POU2F2: variants seen among roughly 807,000 people sequenced by gnomAD.
POU2F2 encodes the protein POU class 2 homeobox 2, also known as POU domain, class 2, transcription factor 2.
Under a neutral mutation model 63.5 loss-of-function variants are expected in POU2F2, and 14 were observed. The observed-to-expected ratio is 0.22, with a 90% CI of 0.15 to 0.34. The LOEUF (loss-of-function observed/expected upper bound fraction) is 0.34. Among genes scored for constraint, POU2F2 ranks in the 10% least tolerant of loss-of-function variants. The pLI, the probability that POU2F2 is intolerant of heterozygous loss-of-function variation, is 1.00. For synonymous variants in POU2F2, 306 were observed against 348.6 expected (o/e 0.88, Z 1.36); for missense variants, 607 against 815.2 (o/e 0.74, Z 3.11).
chr19:42,092,168 G>C lies in POU2F2; in HGVS notation c.1367C>G (p.Ser456Cys). The C allele has an allele frequency of 6.3e-7, 1 of 1,580,118 alleles. No individual in the cohort carries two copies. The highest frequency in any genetic ancestry group is 8.6e-7 in the Non-Finnish European group (1 of 1,165,488). Reference protein sequence around the residue: ...GAAPPLNSIPSVTPPPPATTN... With the variant: ...GAAPPLNSIPCVTPPPPATTN... ...GGTGGCCGGGGGTGGGGGAGTGACAGAGGGGATGGAATTGAGGGGGGGCGC... is the reference window on the plus strand; with the variant it reads ...GGTGGCCGGGGGTGGGGGAGTGACACAGGGGATGGAATTGAGGGGGGGCGC... Residue 456 changes from serine to cysteine, a missense_variant, in exon 13 of 15, where the codon TCT becomes TGT. Ser to Cys is a moderately radical substitution (Grantham distance 112, BLOSUM62 -1). Around this residue, in one of 7 missense-constraint regions of POU2F2, gnomAD observed 270 missense variants for 307.5 expected, o/e 0.88. Coordinates refer to ENST00000692977, the MANE Select transcript of POU2F2 (RefSeq NM_001394376.1). The surrounding 1 kb of genome is among the most constrained non-coding windows in gnomAD (Gnocchi z 5.0).
At chr19:42,136,797 A>C (rs1202075935), upstream of POU2F2, 1 of 152,342 alleles carries the variant, frequency 6.6e-6, no homozygotes, top group African/African-American at 2.4e-5. Context: ...ATACCTCTGC[A>C]GCTCACAGTC....
intron 1 of POU2F2, among the ~76,000 whole-genome samples, chr19:42,189,139 C>A (rs557486605): frequency 6.6e-6 from 1 of 152,118 alleles, no homozygotes; most frequent in Non-Finnish European, 1.5e-5. Flanking sequence ...AGGTGAAGGC[C>A]GGGGCTGGTA....
At chr19:42,143,328 GGCA>G (rs1330704833) in intron 2 of POU2F2, among the ~76,000 whole-genome samples, 1 of 152,022 alleles carries the variant, frequency 6.6e-6, no homozygotes, top group African/African-American at 2.4e-5. Context: ...CTCCACCCTG[GGCA>G]AAAGAGCAAG....
At position 42,099,596 on chromosome 19, in the gene POU2F2, T is replaced by A. The variant is rs540544004; in HGVS notation, c.498A>T (p.Leu166=). The A allele has an allele frequency of 1.2e-6, 2 of 1,613,860 alleles. No individual in the cohort carries two copies. Among genetic ancestry groups the A allele is most frequent in the South Asian group, 2.2e-5 (2 of 91,068 alleles). The change falls in exon 7 of 15, where the codon CTA becomes CTT. Residue 166 remains leucine, a synonymous_variant. Transcript: ENST00000692977. The part of the protein sequence containing the change: ...SQPGLLPTPN[L]FQLPQQTQGA... ...CCTGGGTTTGCTGAGGTAGCTGGAA[T>A]AGATTTGGTGTCGGTAGCAGGCCTG...
rs79083778 is a variant in POU2F2, at chr19:42,174,548, G to C, written c.-70+1415C>G. ...TCCCTTCTGCACATATGTCACCCAT[G>C]ATGGGGACCCCCAGTACCCAACCCC... is the stretch of plus-strand genomic sequence containing the variant. On this transcript the variant is annotated intron_variant, in intron 1 of 6. Coordinates refer to the POU2F2 transcript ENST00000524801. 9.6e-3 allele frequency among the ~76,000 whole-genome samples: 1,463 copies of C among 152,252 alleles called. 22 individuals are homozygous for C. Among genetic ancestry groups the C allele is most frequent in the African/African-American group, 0.033 (1,376 of 41,540 alleles).
At chr19:42,101,229 T>C (rs933501767) in intron 5 of POU2F2, among the ~76,000 whole-genome samples, 1 of 152,152 alleles carries the variant, frequency 6.6e-6, no homozygotes, top group African/African-American at 2.4e-5. Context: ...GGAAGCTCTT[T>C]AGCACTGTTA....
rs117249295 is a variant in POU2F2 at position 42,153,976 on chromosome 19, T to G, written c.-9+6356A>C. Among the ~76,000 whole-genome samples, 1 of 151,056 alleles carries G rather than the reference T, an allele frequency of 6.6e-6. No individual in the cohort carries two copies. The highest frequency in any genetic ancestry group is 6.6e-5 in the Admixed American group (1 of 15,198). On this transcript the variant is annotated intron_variant, in intron 2 of 6. Transcript: ENST00000524801. The surrounding 1 kb of genome is among the most constrained non-coding windows in gnomAD (Gnocchi z 5.6). Reference sequence around the variant, plus strand: ...CTGCCAGGATGGGCCCAGGCCCCCGTCCCTCCCCCGGCACCTTGGGCAGGC... The same window carrying G: ...CTGCCAGGATGGGCCCAGGCCCCCGGCCCTCCCCCGGCACCTTGGGCAGGC...
chr19:42,196,260 CCTT>C (rs773934351), intron 1 of POU2F2: 8 of 152,204 alleles, frequency 5.3e-5, no homozygotes, highest in Non-Finnish European at 8.8e-5. Flanking sequence ...CACATGATCT[CCTT>C]GTGTGTAACT....
chr19:42,142,856 G>A (rs1356508343), intron 2 of POU2F2, among the ~76,000 whole-genome samples: 1 of 152,166 alleles, frequency 6.6e-6, no homozygotes, highest in Non-Finnish European at 1.5e-5. Context: ...GAGCCACTGT[G>A]CCTGGCCTGT....
rs2076584336 is a variant in POU2F2, at chr19:42,087,425, A to T, written c.*3832T>A. ...CTCCCCAGGGCTTGGAGAGCCCGTC[A>T]TGGCCTTCTCCAGGGAGATGGATGG... On this transcript the variant is annotated 3_prime_UTR_variant, in exon 15 of 15. Coordinates refer to ENST00000692977, the MANE Select transcript of POU2F2 (RefSeq NM_001394376.1). The T allele has an allele frequency of 6.6e-6, 1 of 151,824 alleles. No homozygotes were observed. The highest frequency in any genetic ancestry group is 6.6e-5 in the Admixed American group (1 of 15,230). The allele number at this position is 151,824 out of a possible 1,614,324, so 9.4% of individuals were successfully genotyped here.
chr19:42,098,581 C>A (rs2077012258), intron 7 of POU2F2, among the ~76,000 whole-genome samples: 1 of 152,024 alleles, frequency 6.6e-6, no homozygotes, highest in Non-Finnish European at 1.5e-5. Context: ...AAAGAAAAGT[C>A]ATACACTGGC....
rs768685224 is a variant in POU2F2 at position 42,122,514 on chromosome 19, T to C, written c.91A>G (p.Thr31Ala). 1.2e-6 allele frequency: 2 copies of C among 1,609,894 alleles called. No individual in the cohort carries two copies. Among genetic ancestry groups the C allele is most frequent in the East Asian group, 2.2e-5 (1 of 44,820 alleles). Residue 31 changes from threonine (T) to alanine (A), a missense_variant, in exon 2 of 15, where the codon ACA becomes GCA. Coordinates refer to ENST00000692977, the MANE Select transcript of POU2F2 (RefSeq NM_001394376.1). ...CCCCTGCTCCCTGCCCACCCACCTG[T>C]GTGCTCTGATGGGGAGTCCAGACCT... is the stretch of plus-strand genomic sequence containing the variant. ...KQGLDSPSEHTDTERNGPDTN... is the reference protein window; with the variant it reads ...KQGLDSPSEHADTERNGPDTN...
At chr19:42,104,143 A>T (rs2077248448) in intron 5 of POU2F2, among the ~76,000 whole-genome samples, 1 of 152,166 alleles carries the variant, frequency 6.6e-6, no homozygotes, top group African/African-American at 2.4e-5. Flanking sequence ...ACTCGCAATA[A>T]GATAAACACG....
intron 1 of POU2F2, among the ~76,000 whole-genome samples, chr19:42,181,602 T>G (rs2034961560): frequency 6.6e-6 from 1 of 151,982 alleles, no homozygotes; most frequent in Non-Finnish European, 1.5e-5. Context: ...ATTTATTTAT[T>G]TAGAGACAGA....
chr19:42,119,758 C>A (rs1024003538), intron 4 of POU2F2, among the ~76,000 whole-genome samples: 4 of 151,834 alleles, frequency 2.6e-5, no homozygotes, highest in African/African-American at 9.7e-5. Flanking sequence ...TGCGAGACTC[C>A]GTCTCAAAAA....
chr19:42,122,143 T>A lies in POU2F2; in HGVS notation c.169A>T (p.Thr57Ser), dbSNP rs373198280. The A allele has an allele frequency of 6.2e-7, 1 of 1,613,510 alleles. No homozygotes were observed. Among genetic ancestry groups the A allele is most frequent in the Non-Finnish European group, 8.5e-7 (1 of 1,179,522 alleles). Reference sequence around the variant, plus strand: ...GTGCTTACCTTTGTACTGGGGCCAGTTGGGGACACGGAGAATGGGGAGGTC... The same window carrying A: ...GTGCTTACCTTTGTACTGGGGCCAGATGGGGACACGGAGAATGGGGAGGTC... ...NKTSPFSVSP[T>S]GPSTKVGILS... The change falls in exon 4 of 15, where the codon ACT (threonine) becomes TCT (serine). Residue 57 changes from threonine to serine, a missense_variant. Physicochemically the swap from Thr to Ser is moderately conservative, Grantham distance 58 (BLOSUM62 1). Transcript: ENST00000692977.
rs1022338723 is a variant in POU2F2, at chr19:42,152,334, G to A, written c.-9+7998C>T. 6.6e-6 allele frequency among the ~76,000 whole-genome samples: 1 copy of A among 152,132 alleles called. No homozygotes were observed. The highest frequency in any genetic ancestry group is 2.4e-5 in the African/African-American group (1 of 41,424). On this transcript the variant is annotated intron_variant, in intron 2 of 6. Coordinates refer to the POU2F2 transcript ENST00000524801. The surrounding 1 kb of genome is among the most constrained non-coding windows in gnomAD (Gnocchi z 4.1). ...ATAAGGCGGGCCTCTTTTGGAGGGG[G>A]TGGGATGGGCTCACACATGCCCCCA...
intron 1 of POU2F2, among the ~76,000 whole-genome samples, chr19:42,187,470 A>C (rs1422421498): frequency 6.6e-6 from 1 of 150,684 alleles, no homozygotes; most frequent in Admixed American, 6.6e-5. Flanking sequence ...AAAAAAAAAA[A>C]AAAAAAACAG....
At chr19:42,143,671 C>G (rs531594246) in intron 2 of POU2F2, among the ~76,000 whole-genome samples, 3 of 152,312 alleles carry the variant, frequency 2.0e-5, no homozygotes, top group Non-Finnish European at 2.9e-5. Flanking sequence ...CTCCCCACCC[C>G]CTTCACTCAC....
Sources: gnomAD v4.1 joint callset for allele counts (sites outside exome capture counted in the v4.1 genomes callset) on GRCh38, gnomAD v4.1.1 for gene constraint, gnomAD v4.1.1 regional missense constraint, Gnocchi (gnomAD v3.1) non-coding constraint, MANE v1.5 for transcripts, NCBI Gene and HGNC (gene_info 2026-07-23, HGNC 2026-07-21) for gene names.